ENTPD5: variants seen among roughly 807,000 people sequenced by gnomAD.
The protein encoded by ENTPD5 is ectonucleoside triphosphate diphosphohydrolase 5 (inactive), also known as nucleoside diphosphate phosphatase ENTPD5.
ENTPD5 carries 49 observed loss-of-function variants against 60.2 expected under a neutral mutation model. That is an observed-to-expected ratio of 0.81 (90% CI 0.65 to 1.03). The LOEUF is 1.03. ENTPD5 is among the 50% of genes least tolerant of loss of function. ENTPD5 has a pLI of 0.00. For synonymous variants in ENTPD5, 187 were observed against 185.4 expected (o/e 1.01, Z -0.07); for missense variants, 480 against 507.6 (o/e 0.95, Z 0.52).
chr14:73,976,388 T>C lies in ENTPD5; in HGVS notation c.578A>G (p.Glu193Gly). 6.2e-7 allele frequency: 1 copy of C among 1,614,098 alleles called. No individual in the cohort carries two copies. The highest frequency in any genetic ancestry group is 8.5e-7 in the Non-Finnish European group (1 of 1,179,954). Reference sequence around the variant, plus strand: ...CCCTAGGTCCAAGGTCCCCACAGTCTCCTGTCTGTGGCCATGCAGCTGACC... The same window carrying C: ...CCCTAGGTCCAAGGTCCCCACAGTCCCCTGTCTGTGGCCATGCAGCTGACC... ...LTGQLHGHRQ[E>G]TVGTLDLGGA... is the part of the protein sequence containing the mutation. The change falls in exon 9 of 16, where the codon GAG becomes GGG. Residue 193 changes from glutamate to glycine, a missense_variant. Glu to Gly is a moderately conservative substitution (Grantham distance 98). Coordinates refer to ENST00000334696, the MANE Select transcript of ENTPD5 (RefSeq NM_001249.5).
rs191728427 is a variant in ENTPD5, at chr14:73,989,448, A to G, written c.-70-1276T>C. ...CGCGGTGGCTCATGCCTGTAATCCC[A>G]GTACTTTGGGAGGCCGAGGCGGGCG... On this transcript the variant is annotated intron_variant, in intron 3 of 15. Transcript: ENST00000334696. Among the ~76,000 whole-genome samples, 48 of 149,730 alleles carry G rather than the reference A, an allele frequency of 3.2e-4. 2 individuals are homozygous for G. The highest frequency in any genetic ancestry group is 3.1e-3 in the Admixed American group (47 of 15,086).
At chr14:73,993,059 G>A (rs2058201998) in intron 3 of ENTPD5, among the ~76,000 whole-genome samples, 1 of 152,052 alleles carries the variant, frequency 6.6e-6, no homozygotes, top group East Asian at 1.9e-4. Context: ...TATTTAGGCT[G>A]GGTAAAGTGG....
At chr14:73,960,891 A>T, downstream of ENTPD5, 1 of 521,362 alleles carries the variant, frequency 1.9e-6, no homozygotes, top group South Asian at 2.0e-5. Flanking sequence ...GATGAGCTAT[A>T]CTGTGGCTGG....
chr14:73,992,934 C>T (rs751469158), intron 3 of ENTPD5, among the ~76,000 whole-genome samples: 3 of 151,888 alleles, frequency 2.0e-5, no homozygotes, highest in East Asian at 1.9e-4. Context: ...ACCTGGGAGG[C>T]GGAGGTTGCA....
At chr14:73,959,231 G>C (rs1423717707), downstream of ENTPD5, 1 of 1,614,200 alleles carries the variant, frequency 6.2e-7, no homozygotes, top group South Asian at 1.1e-5. Context: ...CCCGGTAAGA[G>C]GTCCTTCTGA....
chr14:73,969,041 AC>A (rs1392442210), intron 15 of ENTPD5, among the ~76,000 whole-genome samples: 1 of 152,236 alleles, frequency 6.6e-6, no homozygotes, highest in Admixed American at 6.5e-5. Context: ...TAAGCCACTC[AC>A]TGGTGACACC....
intron 10 of ENTPD5, among the ~76,000 whole-genome samples, chr14:73,975,592 C>T (rs745665035): frequency 6.6e-6 from 1 of 151,978 alleles, no homozygotes; most frequent in Non-Finnish European, 1.5e-5. Context: ...TTAGTAGAGA[C>T]GGGGTTTCAC....
Position 74,006,440 on chromosome 14 carries a change from C to T in ENTPD5, c.-71+4651G>A, listed in dbSNP as rs924584058. Among the ~76,000 whole-genome samples, 11 of 151,976 alleles carry T rather than the reference C, an allele frequency of 7.2e-5. 1 individual carries two copies. The highest frequency in any genetic ancestry group is 1.9e-4 in the East Asian group (1 of 5,178). On this transcript the variant is annotated intron_variant, in intron 3 of 15. Transcript: ENST00000334696. ...CTGGGACTACAGGTGCCCGCCGCCA[C>T]GCCCGGCTAATTTTTTGTATTTTTA...
intron 3 of ENTPD5, chr14:73,996,180 A>C (rs1479699128): frequency 1.0e-6 from 1 of 985,118 alleles, no homozygotes; most frequent in Non-Finnish European, 1.2e-6. Flanking sequence ...CTCCTGTTTC[A>C]GCTCTTCTTA....
intron 6 of ENTPD5, among the ~76,000 whole-genome samples, chr14:73,978,091 T>A (rs1455132418): frequency 6.6e-6 from 1 of 152,148 alleles, no homozygotes; most frequent in East Asian, 1.9e-4. Flanking sequence ...ACATACCACA[T>A]AATGACCTCT....
intron 2 of ENTPD5, among the ~76,000 whole-genome samples, chr14:74,013,098 C>T (rs1461181054): frequency 6.6e-6 from 1 of 152,220 alleles, no homozygotes; most frequent in Non-Finnish European, 1.5e-5. Flanking sequence ...TGCTGGGCCT[C>T]ATTGCCAGTA....
chr14:73,983,822 C>G (rs1333619160), intron 5 of ENTPD5, among the ~76,000 whole-genome samples: 1 of 151,304 alleles, frequency 6.6e-6, no homozygotes, highest in African/African-American at 2.4e-5. Context: ...ACCCAAGTAG[C>G]TGGGATTACA....
chr14:73,989,320 G>C (rs1246678301), intron 3 of ENTPD5, among the ~76,000 whole-genome samples: 4 of 152,064 alleles, frequency 2.6e-5, no homozygotes, highest in Non-Finnish European at 5.9e-5. Flanking sequence ...CCAGCACTTT[G>C]GGAGGCCAAG....
chr14:73,967,814 AAAAG>A (rs1417973358), intron 15 of ENTPD5, among the ~76,000 whole-genome samples: 10 of 150,868 alleles, frequency 6.6e-5, no homozygotes, highest in African/African-American at 2.2e-4. Flanking sequence ...AAAAAAAAAA[AAAAG>A]AAAAAAAAAG....
chr14:74,000,907 A>G (rs2058487690), intron 3 of ENTPD5, among the ~76,000 whole-genome samples: 1 of 152,130 alleles, frequency 6.6e-6, no homozygotes, highest in African/African-American at 2.4e-5. Context: ...TAGGAAAAGT[A>G]TCGTTTGATT....
chr14:74,011,614 T>C (rs1471668939), intron 2 of ENTPD5, among the ~76,000 whole-genome samples: 1 of 152,098 alleles, frequency 6.6e-6, no homozygotes, highest in African/African-American at 2.4e-5. Context: ...CTGGGCAATG[T>C]GGCGAAACTC....
rs1566763957 is a variant in ENTPD5, at chr14:74,005,277, A to AG, written c.-71+5813_-71+5814insC. Among the ~76,000 whole-genome samples, 3 of 118,222 alleles carry AG rather than the reference A, an allele frequency of 2.5e-5. No individual in the cohort carries two copies. In the Admixed American group the frequency reaches 2.7e-4, roughly 10 times the overall value. The allele number at this position is 118,222 out of a possible 152,430, so 77.6% of individuals were successfully genotyped here. A position where few individuals can be genotyped will look rare whatever the true frequency, so the allele number is the denominator to read the frequency against. Reference sequence around the variant, plus strand: ...TGAGACTCAGTCTCAAAAAAAAAAAAAAAAGAAAAAAAGAAAAAAAGAAAA... The same window carrying AG: ...TGAGACTCAGTCTCAAAAAAAAAAAAGAAAAGAAAAAAAGAAAAAAAGAAAA... On this transcript the variant is annotated intron_variant, in intron 3 of 15. Transcript: ENST00000334696.
chr14:73,955,630 G>A (rs758492591), downstream of ENTPD5: 18 of 1,347,120 alleles, frequency 1.3e-5, no homozygotes, highest in African/African-American at 7.2e-5. Context: ...CATTCAGTCC[G>A]AGGAAGTGGG....
At chr14:73,956,019 T>A (rs2056413556), downstream of ENTPD5, 2 of 1,576,358 alleles carry the variant, frequency 1.3e-6, no homozygotes, top group African/African-American at 2.7e-5. Flanking sequence ...ATATTCAGTG[T>A]CCACCATAAA....
Sources: gnomAD v4.1 joint callset for allele counts (sites outside exome capture counted in the v4.1 genomes callset) on GRCh38, gnomAD v4.1.1 for gene constraint, MANE v1.5 for transcripts, NCBI Gene and HGNC (gene_info 2026-07-23, HGNC 2026-07-21) for gene names.